MACF1: variants seen among roughly 807,000 people sequenced by gnomAD.
MACF1 encodes the protein microtubule actin crosslinking factor 1, also known as microtubule-actin cross-linking factor 1.
A neutral mutation model predicts 854.8 loss-of-function variants in MACF1; 193 were observed. That is an observed-to-expected ratio of 0.23 (90% CI 0.20 to 0.25). The LOEUF is 0.25. Among genes scored for constraint, MACF1 ranks in the 10% least tolerant of loss-of-function variants. The pLI is 1.00. For synonymous variants in MACF1, 3,185 were observed against 3,226.7 expected (o/e 0.99, Z 0.44); for missense variants, 7,722 against 8,929.1 (o/e 0.86, Z 5.45).
At chr1:39,217,457 T>G (rs1203675485) in intron 1 of MACF1, among the ~76,000 whole-genome samples, 1 of 151,830 alleles carries the variant, frequency 6.6e-6, no homozygotes, top group Non-Finnish European at 1.5e-5. Context: ...GTATTTTTGG[T>G]AGAGATGGGG....
rs182113955 is a variant in MACF1 at position 39,400,844 on chromosome 1, T to C, written c.15816+12186T>C. Among the ~76,000 whole-genome samples the C allele has an allele frequency of 3.9e-5, 6 of 152,318 alleles. No individual in the cohort carries two copies. The East Asian group carries it at 1.2e-3, about 29-fold the overall frequency. Reference sequence around the variant, plus strand: ...TTTAATAAGAACAGTTACCCCTCTTTGTGCCTAGGGATCATCATTCTCCAG... The same window carrying C: ...TTTAATAAGAACAGTTACCCCTCTTCGTGCCTAGGGATCATCATTCTCCAG... On this transcript the variant is annotated intron_variant, in intron 58 of 100. Transcript: ENST00000564288.
rs145890237 is a variant in MACF1 at position 39,183,176 on chromosome 1, G to C, written c.221-48006G>C. Among the ~76,000 whole-genome samples, 449 of 152,266 alleles carry C rather than the reference G, an allele frequency of 2.9e-3. 1 individual carries two copies. Among genetic ancestry groups the C allele is most frequent in the African/African-American group, 0.01 (433 of 41,552 alleles). ...CCATAGAGACCATAAGTAGATTAGT[G>C]GTTGCTAGGGGTTGAGGAGGGGCGA... is the stretch of plus-strand genomic sequence containing the variant. On this transcript the variant is annotated intron_variant, in intron 2 of 93. Coordinates refer to the MACF1 transcript ENST00000361689.
At chr1:39,304,280 A>G (rs1464000169) in intron 23 of MACF1, 2 of 573,872 alleles carry the variant, frequency 3.5e-6, no homozygotes, top group Non-Finnish European at 6.7e-6. Flanking sequence ...ATGCCATTTC[A>G]GTAGTGACTT....
intron 9 of MACF1, 42 bp from the exon 10 acceptor site, chr1:39,284,024 A>T (rs1246334297): frequency 1.2e-6 from 2 of 1,601,964 alleles, no homozygotes; most frequent in African/African-American, 2.7e-5. Context: ...CTTGTTTTGG[A>T]TATTGCTAAT....
rs940641832 is a variant in MACF1 at position 39,343,763 on chromosome 1, G to C, written c.10581+2810G>C. 2.0e-5 allele frequency among the ~76,000 whole-genome samples: 3 copies of C among 152,198 alleles called. No homozygotes were observed. The South Asian group carries it at 6.2e-4, about 32-fold the overall frequency. On this transcript the variant is annotated intron_variant, in intron 40 of 100. Coordinates refer to ENST00000564288, the MANE Select transcript of MACF1 (RefSeq NM_001394062.1). Reference sequence around the variant, plus strand: ...TCCTCAGGCGAAAGAATTTGACCAAGGGGCATAAGGCAGGGGGAGAGACTG... The same window carrying C: ...TCCTCAGGCGAAAGAATTTGACCAACGGGCATAAGGCAGGGGGAGAGACTG...
intron 2 of MACF1, among the ~76,000 whole-genome samples, chr1:39,245,971 C>T (rs892825788): frequency 6.6e-6 from 1 of 152,218 alleles, no homozygotes; most frequent in Non-Finnish European, 1.5e-5. Context: ...AGCACTCTTA[C>T]TTATTTGTAG....
intron 1 of MACF1, among the ~76,000 whole-genome samples, chr1:39,209,051 A>T (rs938165316): frequency 8.7e-5 from 13 of 149,542 alleles, no homozygotes; most frequent in African/African-American, 3.2e-4. Context: ...CAGGAGTTCG[A>T]GACCAGCCTG....
intron 49 of MACF1, among the ~76,000 whole-genome samples, chr1:39,365,334 C>T (rs1648607191): frequency 6.6e-6 from 1 of 152,046 alleles, no homozygotes; most frequent in Admixed American, 6.6e-5. Context: ...CCTCAGCCTC[C>T]CAAAGGCCTG....
chr1:39,441,801 C>G, intron 74 of MACF1, 151 bp from the exon 75 acceptor site: 1 of 640,884 alleles, frequency 1.6e-6, no homozygotes, highest in Non-Finnish European at 2.7e-6. Context: ...ATATAAAGAT[C>G]ATTATTCTTT....
intron 1 of MACF1, among the ~76,000 whole-genome samples, chr1:39,207,570 G>A (rs934252872): frequency 2.6e-5 from 4 of 151,984 alleles, no homozygotes; most frequent in South Asian, 2.1e-4. Context: ...GTGAGCCACC[G>A]TGCCTGGCTG....
chr1:39,400,847 G>A (rs1380555607), intron 58 of MACF1, among the ~76,000 whole-genome samples: 1 of 152,084 alleles, frequency 6.6e-6, no homozygotes, highest in African/African-American at 2.4e-5. Flanking sequence ...CCCTCTTTGT[G>A]CCTAGGGATC....
chr1:39,163,340 C>CAAAAAAAAAAAAA (rs11371076), intron 2 of MACF1, among the ~76,000 whole-genome samples: 2 of 80,342 alleles, frequency 2.5e-5, no homozygotes, highest in Non-Finnish European at 4.4e-5. Flanking sequence ...AAGACTGTCT[C>CAAAAAAAAAAAAA]AAAAAAAAAA....
At chr1:39,407,698 G>A (rs562700911) in intron 58 of MACF1, among the ~76,000 whole-genome samples, 7 of 152,212 alleles carry the variant, frequency 4.6e-5, no homozygotes, top group Non-Finnish European at 8.8e-5. Context: ...GATTCCCTAA[G>A]TAAGCCTAAG....
At chr1:39,411,596 C>A in intron 58 of MACF1, 1 of 1,613,860 alleles carries the variant, frequency 6.2e-7, no homozygotes, top group Non-Finnish European at 8.5e-7. Flanking sequence ...GGACTTGTTT[C>A]AGATTCAGCA....
chr1:39,447,589 T>G lies in MACF1; in HGVS notation c.19761+2T>G. On this transcript the variant is annotated splice_donor_variant, in intron 81 of 100. Coordinates refer to ENST00000564288, the MANE Select transcript of MACF1 (RefSeq NM_001394062.1). LOFTEE classifies it high-confidence loss of function. ...CTTTCCCAGATAGAAGAGCACAAGG[T>G]AAGTATGATATTATGATGCTGCATT... 6.2e-7 allele frequency: 1 copy of G among 1,614,124 alleles called. No individual in the cohort carries two copies. Among genetic ancestry groups the G allele is most frequent in the Non-Finnish European group, 8.5e-7 (1 of 1,179,996 alleles).
chr1:39,201,923 C>T (rs1177793470), upstream of MACF1, among the ~76,000 whole-genome samples: 1 of 148,694 alleles, frequency 6.7e-6, no homozygotes, highest in Non-Finnish European at 1.5e-5. Flanking sequence ...TATCCATTCT[C>T]CAGATAGCCA....
rs1312639930 is a variant in MACF1, at chr1:39,308,896, T to G, written c.2790-674T>G. Among the ~76,000 whole-genome samples, 3 of 152,184 alleles carry G rather than the reference T, an allele frequency of 2.0e-5. No individual in the cohort carries two copies. The East Asian group carries it at 5.8e-4, about 29-fold the overall frequency. ...GTCTTGAACTCCCGACCTCAGGTGATCTGCCCGCCTCAGCCTCCCAAAGTG... is the reference window on the plus strand; with the variant it reads ...GTCTTGAACTCCCGACCTCAGGTGAGCTGCCCGCCTCAGCCTCCCAAAGTG... On this transcript the variant is annotated intron_variant, in intron 23 of 100. Coordinates refer to ENST00000564288, the MANE Select transcript of MACF1 (RefSeq NM_001394062.1).
At chr1:39,185,580 T>A (rs1220252216) in intron 2 of MACF1, among the ~76,000 whole-genome samples, 1 of 151,844 alleles carries the variant, frequency 6.6e-6, no homozygotes, top group East Asian at 1.9e-4. Context: ...ACAACAACTA[T>A]AATTTGAAAG....
chr1:39,430,629 A>G (rs1194048592), intron 65 of MACF1, 73 bp from the exon 66 acceptor site: 12 of 1,218,764 alleles, frequency 9.8e-6, no homozygotes, highest in Non-Finnish European at 1.3e-5. Context: ...AGAGATAGCA[A>G]TTTCCACCCA....
Sources: gnomAD v4.1 joint callset for allele counts (sites outside exome capture counted in the v4.1 genomes callset) on GRCh38, gnomAD v4.1.1 for gene constraint, MANE v1.5 for transcripts, NCBI Gene and HGNC (gene_info 2026-07-23, HGNC 2026-07-21) for gene names.